ANKIB1: variants seen among roughly 807,000 people sequenced by gnomAD.
ANKIB1 encodes the protein ankyrin repeat and IBR domain containing 1.
Under a neutral mutation model 122.1 loss-of-function variants are expected in ANKIB1, and 43 were observed. The ratio of observed to expected loss-of-function variants is 0.35; its 90% CI spans 0.28 to 0.45. The LOEUF is 0.45. Among genes scored for constraint, ANKIB1 ranks in the 20% least tolerant of loss-of-function variants. The pLI is 1.00. For synonymous variants in ANKIB1, 390 were observed against 442.0 expected (o/e 0.88, Z 1.48); for missense variants, 992 against 1,329.5 (o/e 0.75, Z 3.95).
At chr7:92,333,522 A>C (rs1201567061) in intron 5 of ANKIB1, among the ~76,000 whole-genome samples, 1 of 151,420 alleles carries the variant, frequency 6.6e-6, no homozygotes, top group African/African-American at 2.4e-5. Context: ...GCCCTCTCTG[A>C]CCTCCCTGAC....
At chr7:92,270,403 A>G (rs1801762182) in intron 1 of ANKIB1, among the ~76,000 whole-genome samples, 1 of 152,164 alleles carries the variant, frequency 6.6e-6, no homozygotes, top group African/African-American at 2.4e-5. Flanking sequence ...TAATGAGCCA[A>G]AAAGACACTT....
At chr7:92,262,714 C>T (rs1801590305) in intron 1 of ANKIB1, among the ~76,000 whole-genome samples, 1 of 152,022 alleles carries the variant, frequency 6.6e-6, no homozygotes, top group Non-Finnish European at 1.5e-5. Context: ...CTTCTTTATA[C>T]TTTTCCATAT....
intron 1 of ANKIB1, among the ~76,000 whole-genome samples, chr7:92,249,142 C>G (rs1801266936): frequency 6.6e-6 from 1 of 152,114 alleles, no homozygotes; most frequent in South Asian, 2.1e-4. Flanking sequence ...CCTGCCTTGG[C>G]CTCCCAAAAT....
At position 92,399,511 on chromosome 7, in the gene ANKIB1, A is replaced by G. The variant is rs1585145413; in HGVS notation, c.*562A>G. On this transcript the variant is annotated 3_prime_UTR_variant, in exon 20 of 20. Transcript: ENST00000265742. Reference sequence around the variant, plus strand: ...TAGTGTAATTAGTTTTAATTTTCACATGAATCAAAGGTTTCCTTTCATGTC... The same window carrying G: ...TAGTGTAATTAGTTTTAATTTTCACGTGAATCAAAGGTTTCCTTTCATGTC... The G allele has an allele frequency of 6.6e-6, 1 of 152,202 alleles. No individual in the cohort carries two copies. Among genetic ancestry groups the G allele is most frequent in the Admixed American group, 6.5e-5 (1 of 15,270 alleles). The allele number at this position is 152,202 out of a possible 1,614,324, so 9.4% of individuals were successfully genotyped here.
chr7:92,389,863 C>G (rs1804747701), intron 14 of ANKIB1, 108 bp from the exon 15 acceptor site: 2 of 1,186,084 alleles, frequency 1.7e-6, no homozygotes, highest in South Asian at 1.5e-5. Flanking sequence ...AGTTTTTGTC[C>G]TAATGATCCT....
intron 1 of ANKIB1, among the ~76,000 whole-genome samples, chr7:92,254,799 T>G (rs1801401789): frequency 6.6e-6 from 1 of 152,248 alleles, no homozygotes; most frequent in Non-Finnish European, 1.5e-5. Flanking sequence ...TATCACTTAT[T>G]ATAAATTTTT....
chr7:92,250,623 G>C lies in ANKIB1; in HGVS notation c.-91+4104G>C, dbSNP rs572586005. ...GGAAGGGTAGAGTATTGAGCCATGT[G>C]AAATCTATTCAGCTTTTAAAATTTT... On this transcript the variant is annotated intron_variant, in intron 1 of 19. Transcript: ENST00000265742. Among the ~76,000 whole-genome samples, 5 of 152,264 alleles carry C rather than the reference G, an allele frequency of 3.3e-5. No homozygotes were observed. The East Asian group carries it at 9.6e-4, about 29-fold the overall frequency.
chr7:92,355,848 C>CATAATAACA (rs1803793946), intron 9 of ANKIB1, among the ~76,000 whole-genome samples: 1 of 143,384 alleles, frequency 7.0e-6, no homozygotes, highest in Admixed American at 7.0e-5. Flanking sequence ...GACTCCGTCT[C>CATAATAACA]ATAATAATAA....
chr7:92,387,423 G>A (rs1452665856), intron 12 of ANKIB1, among the ~76,000 whole-genome samples: 2 of 151,974 alleles, frequency 1.3e-5, no homozygotes, highest in African/African-American at 4.8e-5. Flanking sequence ...ATCACTTGAG[G>A]TCAGGAGTTC....
Position 92,389,971 on chromosome 7 carries a change from C to T in ANKIB1, c.1907C>T (p.Thr636Ile). ...TCACTGTGCCTCAATTACTTTTTAG[C>T]TGAAGGAGGCTGTCCAGATACCACT... ...MEQLSRALKE[T>I]EGGCPDTTFI... is the part of the protein sequence containing the mutation. Residue 636 changes from threonine to isoleucine, a missense_variant and splice_region_variant, in exon 15 of 20, where the codon ACT (threonine) becomes ATT (isoleucine). Transcript: ENST00000265742. 1 of 1,581,106 alleles carries T rather than the reference C, an allele frequency of 6.3e-7. No homozygotes were observed. The highest frequency in any genetic ancestry group is 8.5e-7 in the Non-Finnish European group (1 of 1,169,946).
chr7:92,302,336 A>AT (rs1281496920), intron 2 of ANKIB1, among the ~76,000 whole-genome samples: 4 of 152,278 alleles, frequency 2.6e-5, no homozygotes, highest in South Asian at 4.1e-4. Flanking sequence ...TAAGACCTTG[A>AT]TTTTTTTCCC....
rs540498473 is a variant in ANKIB1, at chr7:92,400,709, T to C, written c.*1760T>C. 1 of 152,294 alleles carries C rather than the reference T, an allele frequency of 6.6e-6. No homozygotes were observed. Among genetic ancestry groups the C allele is most frequent in the East Asian group, 1.9e-4 (1 of 5,192 alleles). 9.4% of individuals were successfully genotyped at this position (152,294 alleles called of 1,614,324 possible). A position where few individuals can be genotyped will look rare whatever the true frequency, so the allele number is the denominator to read the frequency against. On this transcript the variant is annotated 3_prime_UTR_variant, in exon 20 of 20. Transcript: ENST00000265742. Reference sequence around the variant, plus strand: ...TTAGGATAAACTGTGGGAATCCTCCTATGCCATGGATATCAAAGGTCCACA... The same window carrying C: ...TTAGGATAAACTGTGGGAATCCTCCCATGCCATGGATATCAAAGGTCCACA...
chr7:92,273,750 T>C (rs1480504711), intron 1 of ANKIB1, among the ~76,000 whole-genome samples: 1 of 151,968 alleles, frequency 6.6e-6, no homozygotes, highest in Non-Finnish European at 1.5e-5. Context: ...TTAACATTGG[T>C]TAATGTTTCA....
chr7:92,301,527 T>TA (rs979672305), intron 2 of ANKIB1, among the ~76,000 whole-genome samples: 75 of 152,322 alleles, frequency 4.9e-4, no homozygotes, highest in African/African-American at 1.8e-3. Flanking sequence ...GCCCATTTTT[T>TA]AATTGAGTTA....
chr7:92,247,440 A>G (rs1279067206), intron 1 of ANKIB1, among the ~76,000 whole-genome samples: 3 of 152,202 alleles, frequency 2.0e-5, no homozygotes, highest in African/African-American at 7.2e-5. Flanking sequence ...ATTGTATTTG[A>G]TAATTATTTT....
At chr7:92,287,189 C>A (rs1381325497) in intron 1 of ANKIB1, among the ~76,000 whole-genome samples, 1 of 152,206 alleles carries the variant, frequency 6.6e-6, no homozygotes, top group African/African-American at 2.4e-5. Context: ...AACATTGGTA[C>A]AGTACTACTA....
intron 10 of ANKIB1, 124 bp downstream of exon 10, chr7:92,362,397 G>GT (rs1803971927): frequency 1.2e-6 from 1 of 813,950 alleles, no homozygotes; most frequent in South Asian, 1.6e-5. Context: ...GTGCTCTCCT[G>GT]TTTAACATCA....
intron 1 of ANKIB1, among the ~76,000 whole-genome samples, chr7:92,275,381 A>G (rs75175622): frequency 0.022 from 3,360 of 152,254 alleles, 59 homozygotes; most frequent in Middle Eastern, 0.037. Flanking sequence ...TATTGTTCCC[A>G]ATTGTTTTAA....
rs143347738 is a variant in ANKIB1 at position 92,371,913 on chromosome 7, C to A, written c.1617+306C>A. 3.3e-5 allele frequency among the ~76,000 whole-genome samples: 5 copies of A among 151,184 alleles called. No homozygotes were observed. In the East Asian group the frequency reaches 9.7e-4, roughly 29 times the overall value. The stretch of plus-strand genomic sequence containing the variant: ...ATCCTTCCTTGCTAGTCACCTTCCC[C>A]GCTAGTCACCTTCCCCAGTGAGAGT... On this transcript the variant is annotated intron_variant, in intron 11 of 19. Coordinates refer to ENST00000265742, the MANE Select transcript of ANKIB1 (RefSeq NM_019004.2).
Sources: allele counts gnomAD v4.1 joint callset (sites outside exome capture counted in the v4.1 genomes callset), GRCh38; gene constraint gnomAD v4.1.1; transcripts MANE v1.5; gene names NCBI Gene and HGNC (gene_info 2026-07-23, HGNC 2026-07-21).